The following NDRG3 variants were observed in gnomAD, a reference collection of about 807,000 sequenced individuals.
NDRG3 encodes the protein protein NDRG3.
NDRG3 carries 23 observed loss-of-function variants against 57.2 expected under a neutral mutation model. The observed-to-expected ratio is 0.40, with a 90% CI of 0.29 to 0.57. The LOEUF is 0.57. Among genes scored for constraint, NDRG3 ranks in the 20% least tolerant of loss-of-function variants. The pLI is 0.42. For missense variants in NDRG3, 384 were observed against 457.3 expected (o/e 0.84, Z 1.46); for synonymous variants, 132 against 162.6 (o/e 0.81, Z 1.43).
intron 1 of NDRG3, among the ~76,000 whole-genome samples, chr20:36,732,814 AT>A (rs1453704216): frequency 6.6e-6 from 1 of 152,018 alleles, no homozygotes; most frequent in African/African-American, 2.4e-5. Flanking sequence ...CACTGTGTCC[AT>A]TTAGTCAGAT....
rs548651418 is a variant in NDRG3 at position 36,705,582 on chromosome 20, C to T, written c.93+1390G>A. The stretch of plus-strand genomic sequence containing the variant: ...GTTGGCTGAATACTGGAAGCAAGGA[C>T]GTTGCCAGCACCCTCCTTTACTGCT... On this transcript the variant is annotated intron_variant, in intron 3 of 15. Transcript: ENST00000349004. 4.4e-4 allele frequency among the ~76,000 whole-genome samples: 67 copies of T among 152,124 alleles called. No homozygotes were observed. In the South Asian group the frequency reaches 0.014, roughly 31 times the overall value.
At chr20:36,719,853 A>G (rs1984493234) in intron 2 of NDRG3, among the ~76,000 whole-genome samples, 1 of 152,100 alleles carries the variant, frequency 6.6e-6, no homozygotes, top group Admixed American at 6.5e-5. Context: ...ATGGTGGCTC[A>G]TGCCTGTAAT....
chr20:36,699,606 C>A (rs779626744), intron 3 of NDRG3, among the ~76,000 whole-genome samples: 1 of 152,072 alleles, frequency 6.6e-6, no homozygotes, highest in Non-Finnish European at 1.5e-5. Context: ...GAGGGAAACA[C>A]CAGTTTATAC....
intron 3 of NDRG3, among the ~76,000 whole-genome samples, chr20:36,691,333 A>G (rs1982250570): frequency 6.6e-6 from 1 of 152,342 alleles, no homozygotes; most frequent in South Asian, 2.1e-4. Flanking sequence ...TTCTATTACT[A>G]CTACCTCCTA....
At chr20:36,674,770 C>T (rs1385918358) in intron 8 of NDRG3, among the ~76,000 whole-genome samples, 1 of 150,280 alleles carries the variant, frequency 6.7e-6, no homozygotes, top group Non-Finnish European at 1.5e-5. Flanking sequence ...TTTTTGTTGA[C>T]ACAAAGTCTT....
intron 2 of NDRG3, among the ~76,000 whole-genome samples, chr20:36,719,463 G>C (rs1310387112): frequency 6.6e-6 from 1 of 151,372 alleles, no homozygotes; most frequent in African/African-American, 2.4e-5. Flanking sequence ...CTTGCCAAGG[G>C]AGAGAGAAGT....
intron 1 of NDRG3, among the ~76,000 whole-genome samples, chr20:36,741,715 A>T (rs1244787719): frequency 6.6e-6 from 1 of 152,176 alleles, no homozygotes; most frequent in African/African-American, 2.4e-5. Flanking sequence ...CTAGCTGCTC[A>T]ACCTTCTAAT....
At position 36,652,898 on chromosome 20, in the gene NDRG3, G is replaced by T. The variant is rs2148008639; in HGVS notation, c.*622C>A. On this transcript the variant is annotated 3_prime_UTR_variant, in exon 16 of 16. Coordinates refer to ENST00000349004, the MANE Select transcript of NDRG3 (RefSeq NM_032013.4). Reference sequence around the variant, plus strand: ...ATTTGGACAGAAGGAGCCTCTCTATGTAACAGGCACCCTTCTGCTACTGGT... The same window carrying T: ...ATTTGGACAGAAGGAGCCTCTCTATTTAACAGGCACCCTTCTGCTACTGGT... 1 of 152,446 alleles carries T rather than the reference G, an allele frequency of 6.6e-6. No individual in the cohort carries two copies. Among genetic ancestry groups the T allele is most frequent in the Non-Finnish European group, 1.5e-5 (1 of 68,036 alleles). 9.4% of individuals were successfully genotyped at this position (152,446 alleles called of 1,614,324 possible). A position where few individuals can be genotyped will look rare whatever the true frequency, so the allele number is the denominator to read the frequency against.
At chr20:36,733,136 G>A (rs1459431401) in intron 1 of NDRG3, among the ~76,000 whole-genome samples, 5 of 94,576 alleles carry the variant, frequency 5.3e-5, no homozygotes, top group Admixed American at 1.6e-4. Context: ...GACGGAACAC[G>A]ATCCTGTCTC....
chr20:36,700,903 A>T (rs1238783400), intron 3 of NDRG3, among the ~76,000 whole-genome samples: 2 of 151,892 alleles, frequency 1.3e-5, no homozygotes, highest in Non-Finnish European at 2.9e-5. Flanking sequence ...CCCCCCAAGT[A>T]GCTTGGAGCA....
intron 8 of NDRG3, among the ~76,000 whole-genome samples, chr20:36,671,938 A>G (rs1247416209): frequency 2.6e-5 from 4 of 152,184 alleles, no homozygotes; most frequent in African/African-American, 9.7e-5. Context: ...CTGCTATGAA[A>G]TAGGGGACTG....
intron 1 of NDRG3, among the ~76,000 whole-genome samples, chr20:36,741,227 TCAGC>T (rs1179069514): frequency 3.9e-5 from 6 of 152,166 alleles, no homozygotes; most frequent in African/African-American, 1.4e-4. Flanking sequence ...GCGCCTATTA[TCAGC>T]CAAGCACAGA....
intron 13 of NDRG3, 115 bp from the exon 14 acceptor site, chr20:36,656,647 T>G: frequency 9.0e-7 from 1 of 1,112,518 alleles, no homozygotes; most frequent in Non-Finnish European, 1.3e-6. Flanking sequence ...AATGTTTAAC[T>G]GCAAGTTTGC....
chr20:36,665,061 A>C lies in NDRG3; in HGVS notation c.795T>G (p.Pro265=). ...ACATACTTACCACAGCCTCAACTGC[A>C]GGCGAATTGTCCCCTACCACCAGTA... is the stretch of plus-strand genomic sequence containing the variant. ...STLLVVGDNS[P]AVEAVVECNS... The change falls in exon 12 of 16, where the codon CCT becomes CCG. Residue 265 remains proline (P), a synonymous_variant. Coordinates refer to ENST00000349004, the MANE Select transcript of NDRG3 (RefSeq NM_032013.4). The C allele has an allele frequency of 6.2e-7, 1 of 1,614,188 alleles. No individual in the cohort carries two copies. Among genetic ancestry groups the C allele is most frequent in the Non-Finnish European group, 8.5e-7 (1 of 1,180,018 alleles).
intron 7 of NDRG3, among the ~76,000 whole-genome samples, chr20:36,682,095 ATTAT>A (rs1981354356): frequency 1.3e-5 from 2 of 152,304 alleles, no homozygotes; most frequent in Admixed American, 1.3e-4. Flanking sequence ...AAAATTTCAC[ATTAT>A]CTTACCACAT....
At chr20:36,681,508 C>A (rs372477014) in intron 7 of NDRG3, among the ~76,000 whole-genome samples, 77 of 150,970 alleles carry the variant, frequency 5.1e-4, no homozygotes, top group African/African-American at 1.8e-3. Flanking sequence ...TGGTAGTGGG[C>A]GCCTGTAATC....
intron 9 of NDRG3, among the ~76,000 whole-genome samples, chr20:36,669,475 C>T (rs1979949464): frequency 6.6e-6 from 1 of 151,980 alleles, no homozygotes; most frequent in African/African-American, 2.4e-5. Context: ...CGTGATCCAC[C>T]TGCCTCGGCC....
At chr20:36,655,445 T>C (rs1158546642) in intron 15 of NDRG3, among the ~76,000 whole-genome samples, 1 of 152,188 alleles carries the variant, frequency 6.6e-6, no homozygotes, top group African/African-American at 2.4e-5. Context: ...TCTGTGACCA[T>C]GAAAAAGCTC....
chr20:36,654,930 A>G, intron 15 of NDRG3: 1 of 759,048 alleles, frequency 1.3e-6, no homozygotes, highest in Non-Finnish European at 2.5e-6. Context: ...CTGACAGAAT[A>G]CTCTAAGCCA....
Sources: allele counts gnomAD v4.1 joint callset (sites outside exome capture counted in the v4.1 genomes callset), GRCh38; gene constraint gnomAD v4.1.1; transcripts MANE v1.5; gene names NCBI Gene and HGNC (gene_info 2026-07-23, HGNC 2026-07-21).